Variants in RBFOX1 observed in about 807,000 individuals in gnomAD.
RBFOX1 encodes RNA binding fox-1 homolog 1.
A neutral mutation model predicts 57.7 loss-of-function variants in RBFOX1; 8 were observed. That is an observed-to-expected ratio of 0.14 (90% CI 0.08 to 0.25). The LOEUF is 0.25. Ranked by LOEUF, RBFOX1 falls within the 10% of genes least tolerant of loss-of-function variation. RBFOX1 has a pLI of 1.00. For missense variants in RBFOX1, 611 were observed against 548.5 expected, an observed-to-expected ratio of 1.11 and a Z score of -1.14; for synonymous variants, 326 against 222.4, an observed-to-expected ratio of 1.47 and a Z score of -4.15.
chr16:6,073,791 A>ATT (rs56684513), intron 1 of RBFOX1, among the ~76,000 whole-genome samples: 1 of 150,816 alleles, frequency 6.6e-6, no homozygotes, highest in African/African-American at 2.4e-5. Context: ...AAAGGTATAT[A>ATT]TTTTTTTTAT....
intron 2 of RBFOX1, among the ~76,000 whole-genome samples, chr16:6,471,469 G>C (rs745370017): frequency 5.9e-5 from 9 of 151,836 alleles, no homozygotes; most frequent in Admixed American, 3.3e-4. Flanking sequence ...AGGCCTAAAA[G>C]AGTTCTGGAA....
At chr16:6,678,531 G>C (rs1332534954) in intron 3 of RBFOX1, among the ~76,000 whole-genome samples, 1 of 151,560 alleles carries the variant, frequency 6.6e-6, no homozygotes, top group Admixed American at 6.6e-5. Context: ...AAAATAAAGA[G>C]AGTGAAACCA....
intron 2 of RBFOX1, among the ~76,000 whole-genome samples, chr16:6,412,696 C>G (rs2093497542): frequency 2.0e-5 from 3 of 152,174 alleles, no homozygotes; most frequent in African/African-American, 7.2e-5. Context: ...ATGTTGGTCA[C>G]AAATGACACT....
chr16:5,623,528 C>A (rs1270236612), intron 3 of RBFOX1, among the ~76,000 whole-genome samples: 1 of 152,146 alleles, frequency 6.6e-6, no homozygotes, highest in Non-Finnish European at 1.5e-5. Flanking sequence ...TTACCTACAC[C>A]CTACATGGTA....
intron 3 of RBFOX1, among the ~76,000 whole-genome samples, chr16:6,748,497 CA>C (rs1479506151): frequency 6.6e-6 from 1 of 151,904 alleles, no homozygotes; most frequent in Non-Finnish European, 1.5e-5. Context: ...CCCGTCTCTC[CA>C]AAAAATAAAG....
intron 4 of RBFOX1, among the ~76,000 whole-genome samples, chr16:7,295,157 C>G (rs1039903640): frequency 6.6e-6 from 1 of 152,170 alleles, no homozygotes; most frequent in Non-Finnish European, 1.5e-5. Flanking sequence ...AATGTGTAAG[C>G]TGGCATTCAT....
chr16:6,259,949 A>T (rs1216278107), intron 1 of RBFOX1, among the ~76,000 whole-genome samples: 1 of 148,924 alleles, frequency 6.7e-6, no homozygotes, highest in African/African-American at 2.5e-5. Context: ...TGACAGAGTG[A>T]GACTGTCTCA....
rs540803556 is a variant in RBFOX1 at position 7,706,934 on chromosome 16, C to T, written c.996-2122C>T. Among the ~76,000 whole-genome samples, 8 of 152,224 alleles carry T rather than the reference C, an allele frequency of 5.3e-5. No homozygotes were observed. In the South Asian group the frequency reaches 1.2e-3, roughly 24 times the overall value. ...TATCAAAAACTTTTTAACACATCTG[C>T]CCTTGGACCGATACCTGTTTTTCCT... On this transcript the variant is annotated intron_variant, in intron 14 of 15. Transcript: ENST00000550418.
chr16:7,306,816 A>G (rs1270422119), intron 4 of RBFOX1, among the ~76,000 whole-genome samples: 1 of 152,202 alleles, frequency 6.6e-6, no homozygotes, highest in Admixed American at 6.5e-5. Flanking sequence ...ATTCCAGACA[A>G]TCGGCTGATT....
At chr16:6,086,193 G>C (rs1044977641) in intron 1 of RBFOX1, among the ~76,000 whole-genome samples, 1 of 152,078 alleles carries the variant, frequency 6.6e-6, no homozygotes, top group African/African-American at 2.4e-5. Flanking sequence ...ATGGTGTATA[G>C]GTACCACTTA....
At position 6,909,096 on chromosome 16, in the gene RBFOX1, C is replaced by G. The variant is rs973304258; in HGVS notation, c.-15-142961C>G. 3.3e-5 allele frequency among the ~76,000 whole-genome samples: 5 copies of G among 152,170 alleles called. 1 individual carries two copies. Among genetic ancestry groups the G allele is most frequent in the Non-Finnish European group, 7.4e-5 (5 of 68,016 alleles). ...AAAACAACACAAATGTATTTTCTTG[C>G]AGTTCTGGAGGTCAGAAGTCCAAAA... is the stretch of plus-strand genomic sequence containing the variant. On this transcript the variant is annotated intron_variant, in intron 3 of 15. Coordinates refer to ENST00000550418, the MANE Select transcript of RBFOX1 (RefSeq NM_018723.4).
At chr16:7,631,770 A>T (rs2060999606) in intron 11 of RBFOX1, among the ~76,000 whole-genome samples, 1 of 152,112 alleles carries the variant, frequency 6.6e-6, no homozygotes, top group Non-Finnish European at 1.5e-5. Flanking sequence ...TTCGTTTCCT[A>T]AATTGTGAAG....
chr16:6,107,423 A>T (rs1237292299), intron 1 of RBFOX1, among the ~76,000 whole-genome samples: 1 of 152,092 alleles, frequency 6.6e-6, no homozygotes, highest in African/African-American at 2.4e-5. Context: ...TTTGTTTAGT[A>T]AGACACACTC....
At chr16:7,544,509 G>C (rs1043875727) in intron 5 of RBFOX1, among the ~76,000 whole-genome samples, 1 of 152,150 alleles carries the variant, frequency 6.6e-6, no homozygotes, top group African/African-American at 2.4e-5. Context: ...ATGTCAAGAC[G>C]CACAAAGGTA....
intron 1 of RBFOX1, among the ~76,000 whole-genome samples, chr16:6,104,790 C>T (rs1045497626): frequency 5.3e-5 from 8 of 152,118 alleles, no homozygotes; most frequent in Admixed American, 3.9e-4. Context: ...AGATGAACCT[C>T]GGAAAACATT....
In RBFOX1 at chr16:6,980,903, C is replaced by G. The variant is rs1450264686; in HGVS notation, c.-15-71154C>G. Among the ~76,000 whole-genome samples, 4 of 151,714 alleles carry G rather than the reference C, an allele frequency of 2.6e-5. No individual in the cohort carries two copies. In the East Asian group the frequency reaches 7.7e-4, roughly 29 times the overall value. On this transcript the variant is annotated intron_variant, in intron 3 of 15. Coordinates refer to ENST00000550418, the MANE Select transcript of RBFOX1 (RefSeq NM_018723.4). ...ACTAAAAATACAAAAATTAGCTGGG[C>G]ATGGTGGTGTGTGCTTGTAATCCCA...
At chr16:7,259,944 C>G (rs2094851493) in intron 4 of RBFOX1, among the ~76,000 whole-genome samples, 1 of 152,058 alleles carries the variant, frequency 6.6e-6, no homozygotes, top group Non-Finnish European at 1.5e-5. Flanking sequence ...CTGTCATTAT[C>G]CCTCCCCTCC....
intron 3 of RBFOX1, among the ~76,000 whole-genome samples, chr16:6,780,035 T>A (rs1373322643): frequency 7.1e-5 from 2 of 27,986 alleles, no homozygotes; most frequent in Non-Finnish European, 5.3e-5. Flanking sequence ...TTATATATAT[T>A]TATATATATT....
At chr16:7,017,820 T>C (rs1426854413) in intron 3 of RBFOX1, among the ~76,000 whole-genome samples, 1 of 152,188 alleles carries the variant, frequency 6.6e-6, no homozygotes, top group Non-Finnish European at 1.5e-5. Flanking sequence ...CGTTTTCTTC[T>C]GTTTGTTTAT....
Sources: allele counts gnomAD v4.1 joint callset (sites outside exome capture counted in the v4.1 genomes callset), GRCh38; gene constraint gnomAD v4.1.1; transcripts MANE v1.5; gene names NCBI Gene and HGNC (gene_info 2026-07-23, HGNC 2026-07-21).